The following CCDC7 variants were observed in gnomAD, a reference collection of about 807,000 sequenced individuals.
The protein encoded by CCDC7 is coiled-coil domain-containing protein 7.
In CCDC7, 183 loss-of-function variants were observed where a neutral mutation model predicts 196.9. The ratio of observed to expected loss-of-function variants is 0.93; its 90% CI spans 0.82 to 1.05. The LOEUF (loss-of-function observed/expected upper bound fraction) is 1.05. CCDC7 is among the 50% of genes least tolerant of loss of function. CCDC7 has a pLI of 0.00. For missense variants in CCDC7, 1,540 were observed against 1,482.2 expected, an observed-to-expected ratio of 1.04 and a Z score of -0.64; for synonymous variants, 525 against 484.6, an observed-to-expected ratio of 1.08 and a Z score of -1.10.
intron 20 of CCDC7, among the ~76,000 whole-genome samples, chr10:32,651,541 T>G (rs949924766): frequency 1.3e-5 from 2 of 152,086 alleles, no homozygotes; most frequent in Non-Finnish European, 2.9e-5. Flanking sequence ...ACAGGTTTAT[T>G]TTGGAGAATA....
chr10:32,782,195 G>T (rs1417706799), intron 29 of CCDC7, among the ~76,000 whole-genome samples: 1 of 151,376 alleles, frequency 6.6e-6, no homozygotes, highest in Non-Finnish European at 1.5e-5. Flanking sequence ...GACATCTCAT[G>T]TTCATGGATT....
chr10:32,745,333 A>T (rs2074532394), intron 28 of CCDC7, among the ~76,000 whole-genome samples: 1 of 152,188 alleles, frequency 6.6e-6, no homozygotes, highest in Non-Finnish European at 1.5e-5. Context: ...GTAATTTATA[A>T]AGAAAACAGG....
intron 29 of CCDC7, among the ~76,000 whole-genome samples, chr10:32,800,472 C>A (rs2084553414): frequency 6.6e-6 from 1 of 152,124 alleles, no homozygotes; most frequent in Non-Finnish European, 1.5e-5. Flanking sequence ...TGGATCTGAG[C>A]TAAAACTCCA....
intron 5 of CCDC7, among the ~76,000 whole-genome samples, chr10:32,464,068 C>T (rs780142511): frequency 3.9e-5 from 6 of 152,088 alleles, no homozygotes; most frequent in Non-Finnish European, 8.8e-5. Flanking sequence ...TTTACTTTTA[C>T]TCTTCTTTTG....
intron 31 of CCDC7, among the ~76,000 whole-genome samples, chr10:32,820,190 C>T (rs570506861): frequency 1.3e-5 from 2 of 152,256 alleles, no homozygotes; most frequent in Admixed American, 1.3e-4. Flanking sequence ...AAAGCCAAAT[C>T]ATGAGTGAAC....
chr10:32,663,073 T>A (rs1269331980), intron 20 of CCDC7, among the ~76,000 whole-genome samples: 1 of 150,910 alleles, frequency 6.6e-6, no homozygotes, highest in Non-Finnish European at 1.5e-5. Context: ...TACCCACTTC[T>A]TCATCCTTCT....
intron 33 of CCDC7, among the ~76,000 whole-genome samples, chr10:32,837,270 G>C (rs1197171735): frequency 1.3e-5 from 2 of 152,168 alleles, no homozygotes; most frequent in Non-Finnish European, 2.9e-5. Flanking sequence ...CGAAGGATGT[G>C]AACAGACACT....
chr10:32,860,939 T>C (rs1038074521), intron 41 of CCDC7, among the ~76,000 whole-genome samples: 2 of 152,094 alleles, frequency 1.3e-5, no homozygotes, highest in African/African-American at 2.4e-5. Context: ...AAACATTCCA[T>C]GGTCATGGAT....
chr10:32,865,140 T>C (rs534432006), intron 41 of CCDC7, among the ~76,000 whole-genome samples: 2 of 151,954 alleles, frequency 1.3e-5, no homozygotes, highest in East Asian at 3.9e-4. Context: ...AAAGACAGCA[T>C]TAAGCAAACA....
intron 25 of CCDC7, among the ~76,000 whole-genome samples, chr10:32,716,895 A>G (rs756852253): frequency 1.3e-4 from 20 of 152,174 alleles, no homozygotes; most frequent in Non-Finnish European, 2.9e-4. Context: ...CAGATTCATA[A>G]AGAACGTTCT....
intron 29 of CCDC7, among the ~76,000 whole-genome samples, chr10:32,800,321 A>G (rs528887642): frequency 6.6e-6 from 1 of 152,252 alleles, no homozygotes; most frequent in African/African-American, 2.4e-5. Context: ...CTTTCCCACC[A>G]TAACAGCCCT....
In CCDC7 at chr10:32,849,279, C is replaced by T. The variant is rs1319737423; in HGVS notation, c.3895+561C>T. Among the ~76,000 whole-genome samples, 7 of 152,068 alleles carry T rather than the reference C, an allele frequency of 4.6e-5. No homozygotes were observed. In the East Asian group the frequency reaches 1.3e-3, roughly 29 times the overall value. On this transcript the variant is annotated intron_variant, in intron 39 of 41. Coordinates refer to ENST00000639629, the Ensembl canonical transcript of CCDC7. The stretch of plus-strand genomic sequence containing the variant: ...CTTAGGTAACTGATGATTGTCTTGG[C>T]TGGGCTAACTTATGCATTTCTGGTC...
intron 16 of CCDC7, among the ~76,000 whole-genome samples, chr10:32,572,970 C>A (rs1204249370): frequency 6.6e-6 from 1 of 151,062 alleles, no homozygotes; most frequent in Non-Finnish European, 1.5e-5. Flanking sequence ...CTCTGCCTCC[C>A]AGGTTCAAGT....
intron 11 of CCDC7, among the ~76,000 whole-genome samples, chr10:32,531,603 A>G (rs1485859409): frequency 2.0e-5 from 3 of 152,122 alleles, no homozygotes; most frequent in Non-Finnish European, 4.4e-5. Context: ...CTTCTCTTCT[A>G]CTTTTGAAGG....
At chr10:32,695,741 T>C (rs559259306) in intron 24 of CCDC7, among the ~76,000 whole-genome samples, 1 of 152,190 alleles carries the variant, frequency 6.6e-6, no homozygotes, top group Non-Finnish European at 1.5e-5. Flanking sequence ...GCCCATTTAA[T>C]GTAAGGCGGA....
intron 28 of CCDC7, 28 bp from the exon 30 acceptor site, chr10:32,778,949 C>G: frequency 6.7e-7 from 1 of 1,500,344 alleles, no homozygotes; most frequent in Non-Finnish European, 9.1e-7. Flanking sequence ...TTTAAATCAA[C>G]TACTTTGACA....
chr10:32,716,611 TAAAG>T (rs1028199713), intron 25 of CCDC7, among the ~76,000 whole-genome samples: 1 of 152,120 alleles, frequency 6.6e-6, no homozygotes, highest in African/African-American at 2.4e-5. Flanking sequence ...GCAAATTGGA[TAAAG>T]AGTGAATACC....
At chr10:32,472,460 T>C (rs1344448630) in intron 6 of CCDC7, 21 bp from the exon 8 acceptor site, 1 of 1,557,016 alleles carries the variant, frequency 6.4e-7, no homozygotes, top group South Asian at 1.3e-5. Context: ...AAAAAATATT[T>C]CATTTATCGA....
At chr10:32,804,164 A>G (rs984754562) in intron 29 of CCDC7, among the ~76,000 whole-genome samples, 2 of 152,146 alleles carry the variant, frequency 1.3e-5, no homozygotes, top group East Asian at 1.9e-4. Context: ...ACTAGATTTC[A>G]CTGACAAAAC....
Sources: allele counts gnomAD v4.1 joint callset (sites outside exome capture counted in the v4.1 genomes callset), GRCh38; gene constraint gnomAD v4.1.1; transcripts MANE v1.5; gene names NCBI Gene and HGNC (gene_info 2026-07-23, HGNC 2026-07-21).